MIS18A: variants seen among roughly 807,000 people sequenced by gnomAD.
MIS18A encodes the protein protein Mis18-alpha.
MIS18A carries 14 observed loss-of-function variants against 25.0 expected under a neutral mutation model. That is an observed-to-expected ratio of 0.56 (90% CI 0.37 to 0.88). MIS18A has a LOEUF of 0.88. Ranked by LOEUF, MIS18A falls within the 40% of genes least tolerant of loss-of-function variation. The pLI is 0.00. For synonymous variants in MIS18A, 134 were observed against 118.6 expected, an observed-to-expected ratio of 1.13 and a Z score of -0.84; for missense variants, 292 against 290.8, an observed-to-expected ratio of 1.00 and a Z score of -0.03.
the MIS18A span, among the ~76,000 whole-genome samples, chr21:32,169,410 T>A: frequency 6.6e-6 from 1 of 152,096 alleles, no homozygotes; most frequent in Non-Finnish European, 1.5e-5. Flanking sequence ...TTAATTAACA[T>A]CACAGCTGCC....
At chr21:32,274,626 CACA>C (rs1194195188) in intron 2 of MIS18A, among the ~76,000 whole-genome samples, 1 of 151,948 alleles carries the variant, frequency 6.6e-6, no homozygotes, top group East Asian at 1.9e-4. Context: ...TAAAGGTGAC[CACA>C]ACCACTCAAG....
At chr21:32,235,180 C>T in the MIS18A span, among the ~76,000 whole-genome samples, 456 of 152,306 alleles carry the variant, frequency 3.0e-3, 4 homozygotes, top group Non-Finnish European at 5.1e-3. Context: ...CTATGAATGC[C>T]AATACTGGAT....
At position 32,268,291 on chromosome 21, in the gene MIS18A, A is replaced by G. The variant is rs1338709464; in HGVS notation, c.*746T>C. 6.6e-6 allele frequency: 1 copy of G among 152,210 alleles called. No homozygotes were observed. Among genetic ancestry groups the G allele is most frequent in the African/African-American group, 2.4e-5 (1 of 41,448 alleles). 9.4% of individuals were successfully genotyped at this position (152,210 alleles called of 1,614,324 possible). ...ATACTACAAAAGTTTCACATTATAG[A>G]AAACAGAAAAAAACAAAAATTCCCC... is the stretch of plus-strand genomic sequence containing the variant. On this transcript the variant is annotated 3_prime_UTR_variant, in exon 5 of 5. Coordinates refer to ENST00000290130, the MANE Select transcript of MIS18A (RefSeq NM_018944.3).
At chr21:32,197,383 A>G in the MIS18A span, among the ~76,000 whole-genome samples, 1 of 152,210 alleles carries the variant, frequency 6.6e-6, no homozygotes, top group Non-Finnish European at 1.5e-5. Flanking sequence ...TTCACTGCCC[A>G]TCTATAGTTC....
At chr21:32,173,384 G>A in the MIS18A span, among the ~76,000 whole-genome samples, 2 of 152,146 alleles carry the variant, frequency 1.3e-5, no homozygotes, top group Non-Finnish European at 2.9e-5. Flanking sequence ...ACACTGTTTG[G>A]CAGTTCCTCA....
At chr21:32,159,090 T>A in the MIS18A span, among the ~76,000 whole-genome samples, 1 of 152,190 alleles carries the variant, frequency 6.6e-6, no homozygotes, top group African/African-American at 2.4e-5. Flanking sequence ...AAATAAGGTT[T>A]GAATTGGACA....
the MIS18A span, among the ~76,000 whole-genome samples, chr21:32,206,634 A>C: frequency 1.3e-5 from 2 of 152,196 alleles, no homozygotes; most frequent in African/African-American, 4.8e-5. Context: ...ATTTAACAAA[A>C]AATGATGATG....
chr21:32,178,002 C>A, the MIS18A span, among the ~76,000 whole-genome samples: 3 of 151,906 alleles, frequency 2.0e-5, no homozygotes, highest in South Asian at 6.2e-4. Flanking sequence ...ACAGCCTTGA[C>A]CTCCAGGGCT....
At chr21:32,277,455 T>C (rs1205119397) in intron 1 of MIS18A, among the ~76,000 whole-genome samples, 1 of 152,166 alleles carries the variant, frequency 6.6e-6, no homozygotes, top group Non-Finnish European at 1.5e-5. Flanking sequence ...TCTGCTTTTT[T>C]CTTTTTTTTC....
chr21:32,222,934 CAAA>C, the MIS18A span, among the ~76,000 whole-genome samples: 2 of 65,910 alleles, frequency 3.0e-5, no homozygotes, highest in Non-Finnish European at 6.8e-5. Flanking sequence ...GACTCCGTCT[CAAA>C]AAAAAAAAAA....
At chr21:32,178,269 T>A in the MIS18A span, among the ~76,000 whole-genome samples, 28 of 152,210 alleles carry the variant, frequency 1.8e-4, no homozygotes, top group African/African-American at 6.5e-4. Context: ...GTTCTAAAAT[T>A]TACATGGAAA....
chr21:32,259,822 C>T, the MIS18A span: 7 of 152,262 alleles, frequency 4.6e-5, no homozygotes, highest in East Asian at 1.4e-3. Flanking sequence ...TGAAGAAAAT[C>T]TTTAATACAA....
chr21:32,204,613 A>G, the MIS18A span, among the ~76,000 whole-genome samples: 2 of 152,182 alleles, frequency 1.3e-5, no homozygotes, highest in African/African-American at 2.4e-5. Context: ...GCAACTTGAC[A>G]TGTAATTTAG....
chr21:32,233,111 A>T, the MIS18A span, among the ~76,000 whole-genome samples: 3 of 152,234 alleles, frequency 2.0e-5, no homozygotes, highest in African/African-American at 7.2e-5. Flanking sequence ...GTTTCTTTAA[A>T]TAGGCCAGTG....
chr21:32,170,370 CAGT>C, the MIS18A span, among the ~76,000 whole-genome samples: 6 of 152,144 alleles, frequency 3.9e-5, no homozygotes, highest in African/African-American at 1.4e-4. Context: ...AGAGCCCACT[CAGT>C]GGGCATTTGT....
chr21:32,165,605 A>T, the MIS18A span, among the ~76,000 whole-genome samples: 6 of 125,836 alleles, frequency 4.8e-5, no homozygotes, highest in African/African-American at 1.8e-4. Flanking sequence ...AAACTGGTTT[A>T]AAAAAAAAAA....
chr21:32,175,812 A>AAAAAAAC, the MIS18A span, among the ~76,000 whole-genome samples: 6 of 151,200 alleles, frequency 4.0e-5, no homozygotes, highest in African/African-American at 9.8e-5. Context: ...TCCATCTCAA[A>AAAAAAAC]AAAAACAAAA....
downstream of MIS18A, among the ~76,000 whole-genome samples, chr21:32,266,983 C>T (rs1022892856): frequency 1.3e-5 from 2 of 152,128 alleles, no homozygotes; most frequent in Non-Finnish European, 2.9e-5. Context: ...CACACACACA[C>T]ACACACACAC....
At chr21:32,204,850 G>A in the MIS18A span, among the ~76,000 whole-genome samples, 2 of 152,096 alleles carry the variant, frequency 1.3e-5, no homozygotes, top group Non-Finnish European at 2.9e-5. Flanking sequence ...TCACGCCACC[G>A]CACTCTAGCC....
Sources: gnomAD v4.1 joint callset for allele counts (sites outside exome capture counted in the v4.1 genomes callset) on GRCh38, gnomAD v4.1.1 for gene constraint, MANE v1.5 for transcripts, NCBI Gene and HGNC (gene_info 2026-07-23, HGNC 2026-07-21) for gene names.